Variants in ASCC3 observed in about 807,000 individuals in gnomAD.
ASCC3 encodes the protein ASC-1 complex subunit P200.
Under a neutral mutation model 256.3 loss-of-function variants are expected in ASCC3, and 158 were observed. The observed-to-expected ratio is 0.62, with a 90% confidence interval of 0.54 to 0.70. The LOEUF is 0.70. Ranked by LOEUF, ASCC3 falls within the 30% of genes least tolerant of loss-of-function variation. ASCC3 has a pLI of 0.00. For synonymous variants in ASCC3, 948 were observed against 883.4 expected (o/e 1.07, Z -1.30); for missense variants, 2,259 against 2,626.0 (o/e 0.86, Z 3.05).
At chr6:100,548,094 G>T (rs1418949692) in intron 36 of ASCC3, among the ~76,000 whole-genome samples, 1 of 150,758 alleles carries the variant, frequency 6.6e-6, no homozygotes, top group Non-Finnish European at 1.5e-5. Context: ...TCCTACTCTA[G>T]AAAATGCAAA....
At chr6:100,689,346 T>G (rs1237593851) in intron 13 of ASCC3, among the ~76,000 whole-genome samples, 4 of 152,182 alleles carry the variant, frequency 2.6e-5, no homozygotes, top group African/African-American at 9.7e-5. Flanking sequence ...GTAATTGTAT[T>G]AGTATTTTAC....
Position 100,615,028 on chromosome 6 carries a change from A to T in ASCC3, c.4786-7940T>A, listed in dbSNP as rs1018518453. ...TTTTTTTTTCCTTTTCTTAAAAAAAATTTTTGAGATGGAGTCTCGCTCTGT... is the reference window on the plus strand; with the variant it reads ...TTTTTTTTTCCTTTTCTTAAAAAAATTTTTTGAGATGGAGTCTCGCTCTGT... On this transcript the variant is annotated intron_variant, in intron 30 of 41. Coordinates refer to ENST00000369162, the MANE Select transcript of ASCC3 (RefSeq NM_006828.4). Among the ~76,000 whole-genome samples, 16 of 151,798 alleles carry T rather than the reference A, an allele frequency of 1.1e-4. 1 individual carries two copies. The highest frequency in any genetic ancestry group is 7.9e-4 in the Admixed American group (12 of 15,238).
At chr6:100,835,645 C>A (rs556955816) in intron 4 of ASCC3, among the ~76,000 whole-genome samples, 1 of 152,152 alleles carries the variant, frequency 6.6e-6, no homozygotes, top group East Asian at 1.9e-4. Context: ...TATTTTTATG[C>A]CAGTACCATG....
At chr6:100,727,500 C>T (rs933510095) in intron 10 of ASCC3, among the ~76,000 whole-genome samples, 2 of 151,824 alleles carry the variant, frequency 1.3e-5, no homozygotes, top group Non-Finnish European at 2.9e-5. Context: ...TTGAATTAAT[C>T]TAATGCTCCT....
At chr6:100,642,457 G>C (rs1775173041) in intron 24 of ASCC3, 124 bp downstream of exon 24, 2 of 960,378 alleles carry the variant, frequency 2.1e-6, no homozygotes, top group South Asian at 1.4e-5. Flanking sequence ...AAATAAAAAG[G>C]GAGTTATAGA....
intron 8 of ASCC3, among the ~76,000 whole-genome samples, chr6:100,788,714 A>G (rs912136475): frequency 6.6e-6 from 1 of 152,036 alleles, no homozygotes; most frequent in African/African-American, 2.4e-5. Context: ...AATATTCATG[A>G]CACTTACATG....
intron 3 of ASCC3, among the ~76,000 whole-genome samples, chr6:100,853,618 C>T (rs949114658): frequency 2.6e-5 from 4 of 152,078 alleles, no homozygotes; most frequent in Non-Finnish European, 5.9e-5. Flanking sequence ...GCACACGCCA[C>T]TATGCCTAGC....
At chr6:100,581,984 T>C (rs1407195788) in intron 36 of ASCC3, among the ~76,000 whole-genome samples, 1 of 152,202 alleles carries the variant, frequency 6.6e-6, no homozygotes, top group Non-Finnish European at 1.5e-5. Context: ...TTGGTTACTG[T>C]AGCCTTGTAG....
At chr6:100,748,636 C>A (rs1266875874) in intron 10 of ASCC3, among the ~76,000 whole-genome samples, 2 of 151,938 alleles carry the variant, frequency 1.3e-5, no homozygotes, top group African/African-American at 4.8e-5. Context: ...ATCTTTCACA[C>A]AATGTATTCG....
At chr6:100,560,470 A>C (rs889070379) in intron 36 of ASCC3, among the ~76,000 whole-genome samples, 8 of 152,098 alleles carry the variant, frequency 5.3e-5, no homozygotes, top group South Asian at 2.1e-4. Flanking sequence ...TGAGGATTAG[A>C]GACTCCACCT....
chr6:100,542,848 T>C (rs1263000467), intron 36 of ASCC3, among the ~76,000 whole-genome samples: 1 of 121,612 alleles, frequency 8.2e-6, no homozygotes, highest in Non-Finnish European at 1.9e-5. Context: ...GAAGACAAAT[T>C]ATACCAGATG....
intron 14 of ASCC3, among the ~76,000 whole-genome samples, chr6:100,674,631 A>ATT (rs3073741): frequency 0.029 from 3,863 of 131,616 alleles, 97 homozygotes; most frequent in Middle Eastern, 0.077. Flanking sequence ...TTATTACAGA[A>ATT]TTTTTTTTTT....
At position 100,655,696 on chromosome 6, in the gene ASCC3, T is replaced by C. The variant is rs1582642641; in HGVS notation, c.2823+3A>G. On this transcript the variant is annotated splice_donor_region_variant and intron_variant, in intron 17 of 41. Coordinates refer to ENST00000369162, the MANE Select transcript of ASCC3 (RefSeq NM_006828.4). ...TTTTTTTTTTAATAAATGAGTTTTC[T>C]ACCTGATAAGCCTTGTGACTGATGC... is the stretch of plus-strand genomic sequence containing the variant. The C allele has an allele frequency of 6.2e-6, 10 of 1,609,880 alleles. No homozygotes were observed. The highest frequency in any genetic ancestry group is 8.5e-6 in the Non-Finnish European group (10 of 1,178,798).
rs779765726 is a variant in ASCC3 at position 100,642,653 on chromosome 6, A to C, written c.3829T>G (p.Leu1277Val). The C allele has an allele frequency of 1.9e-6, 3 of 1,613,876 alleles. No individual in the cohort carries two copies. Among genetic ancestry groups the C allele is most frequent in the Non-Finnish European group, 1.7e-6 (2 of 1,179,900 alleles). ...ATAATACATACTGCCTCAGCACCCA[A>C]CCATCTATCAGACACTGCTCGGATG... ...YYIRAVSDRW[L>V]GAEAVCIINF... Residue 1277 changes from leucine to valine, a missense_variant, in exon 24 of 42, where the codon TTG becomes GTG. By Grantham distance (32) the Leu-to-Val change is conservative. Coordinates refer to ENST00000369162, the MANE Select transcript of ASCC3 (RefSeq NM_006828.4).
At chr6:100,862,661 G>C (rs572370989) in intron 3 of ASCC3, among the ~76,000 whole-genome samples, 109 of 152,130 alleles carry the variant, frequency 7.2e-4, no homozygotes, top group African/African-American at 2.5e-3. Context: ...AAATATTGTG[G>C]GTTCTAGTAT....
At chr6:100,800,126 G>T (rs1004492875) in intron 6 of ASCC3, among the ~76,000 whole-genome samples, 174 bp downstream of exon 6, 7 of 151,936 alleles carry the variant, frequency 4.6e-5, no homozygotes, top group Non-Finnish European at 8.8e-5. Context: ...TAAGCAGACA[G>T]ACCATTGCTT....
chr6:100,638,479 G>C, intron 25 of ASCC3, 122 bp downstream of exon 25: 2 of 802,956 alleles, frequency 2.5e-6, no homozygotes. Context: ...TGGTCCCCTG[G>C]GAAATTCACT....
intron 36 of ASCC3, among the ~76,000 whole-genome samples, chr6:100,572,458 G>C (rs1770641290): frequency 6.6e-6 from 1 of 152,054 alleles, no homozygotes; most frequent in Non-Finnish European, 1.5e-5. Context: ...CACCAAGACA[G>C]GCTAAATAAT....
At chr6:100,805,903 A>G (rs778781713) in intron 4 of ASCC3, 23 bp from the exon 5 acceptor site, 2 of 1,607,586 alleles carry the variant, frequency 1.2e-6, no homozygotes, top group Middle Eastern at 1.7e-4. Context: ...GAAAAAAGTA[A>G]CAAACATCAG....
Sources: allele counts gnomAD v4.1 joint callset (sites outside exome capture counted in the v4.1 genomes callset), GRCh38; gene constraint gnomAD v4.1.1; transcripts MANE v1.5; gene names NCBI Gene and HGNC (gene_info 2026-07-23, HGNC 2026-07-21).